The following ZNF521 variants were observed in gnomAD, a reference collection of about 807,000 sequenced individuals.
The protein encoded by ZNF521 is zinc finger protein 521.
ZNF521 carries 14 observed loss-of-function variants against 105.5 expected under a neutral mutation model. That is an observed-to-expected ratio of 0.13 (90% CI 0.09 to 0.21). The LOEUF is 0.21. Ranked by LOEUF, ZNF521 falls within the 10% of genes least tolerant of loss-of-function variation. The probability of loss-of-function intolerance (pLI) is 1.00; values close to 1 mark genes in which losing one functional copy is unlikely to be tolerated. For synonymous variants in ZNF521, 635 were observed against 606.0 expected (o/e 1.05, Z -0.70); for missense variants, 1,233 against 1,629.7 (o/e 0.76, Z 4.19).
chr18:25,312,905 G>A (rs187054654), intron 3 of ZNF521, among the ~76,000 whole-genome samples: 170 of 152,080 alleles, frequency 1.1e-3, no homozygotes, highest in African/African-American at 4.0e-3. Flanking sequence ...AACTTGGTGG[G>A]AGCCCTGACA....
chr18:25,124,844 G>A (rs1026453246), intron 5 of ZNF521, among the ~76,000 whole-genome samples: 10 of 152,216 alleles, frequency 6.6e-5, no homozygotes, highest in Non-Finnish European at 1.0e-4. Context: ...TAAACCATAG[G>A]TGTTAGAAAG....
intron 4 of ZNF521, among the ~76,000 whole-genome samples, chr18:25,217,797 A>G (rs753446853): frequency 4.6e-5 from 7 of 152,262 alleles, no homozygotes; most frequent in East Asian, 3.9e-4. Flanking sequence ...CAGTGTAACA[A>G]TTTTCACGTG....
At chr18:25,288,445 G>A (rs1910826205) in intron 3 of ZNF521, among the ~76,000 whole-genome samples, 1 of 151,820 alleles carries the variant, frequency 6.6e-6, no homozygotes, top group Admixed American at 6.6e-5. Flanking sequence ...TTCCTTTCGG[G>A]TTTTAGCTTC....
chr18:25,169,182 T>C (rs112030633), intron 5 of ZNF521, among the ~76,000 whole-genome samples: 34 of 152,324 alleles, frequency 2.2e-4, no homozygotes, highest in African/African-American at 7.9e-4. Context: ...GCCTCACTAG[T>C]TTCTATGGAA....
Position 25,153,200 on chromosome 18 carries a change from T to C in ZNF521, c.3658+41960A>G, listed in dbSNP as rs72891948. ...ATGTTGGTCAGCTAAACTTTCAAGTTGCATATAATTTATACTAATATTTTA... is the reference window on the plus strand; with the variant it reads ...ATGTTGGTCAGCTAAACTTTCAAGTCGCATATAATTTATACTAATATTTTA... On this transcript the variant is annotated intron_variant, in intron 5 of 7. Coordinates refer to ENST00000361524, the MANE Select transcript of ZNF521 (RefSeq NM_015461.3). 6.3e-3 allele frequency among the ~76,000 whole-genome samples: 966 copies of C among 152,330 alleles called. 4 individuals are homozygous for C. The highest frequency in any genetic ancestry group is 0.012 in the South Asian group (58 of 4,824).
chr18:25,308,648 A>ACCCCCCCCC (rs764455271), intron 3 of ZNF521, among the ~76,000 whole-genome samples: 2 of 116,302 alleles, frequency 1.7e-5, no homozygotes, highest in Non-Finnish European at 3.6e-5. Flanking sequence ...CCTTAATGAC[A>ACCCCCCCCC]TCCCCCCCCC....
chr18:25,297,419 T>C (rs2145054377), intron 3 of ZNF521, among the ~76,000 whole-genome samples: 1 of 152,290 alleles, frequency 6.6e-6, no homozygotes, highest in East Asian at 1.9e-4. Context: ...GAAAAATTCA[T>C]ATTAAATCCT....
intron 4 of ZNF521, among the ~76,000 whole-genome samples, chr18:25,212,884 T>C (rs1284897817): frequency 5.9e-5 from 9 of 151,540 alleles, no homozygotes; most frequent in African/African-American, 1.9e-4. Context: ...TTGACTTAAA[T>C]GTGTTGATTT....
rs370464268 is a variant in ZNF521 at position 25,225,946 on chromosome 18, C to T, written c.1972G>A (p.Asp658Asn). 1.3e-4 allele frequency: 209 copies of T among 1,614,022 alleles called. No homozygotes were observed. The South Asian group carries it at 2.0e-3, about 15-fold the overall frequency. ...CAGGTCAATTTTGGAAGCACAGTGT[C>T]GAGATGAGTTTTTAGGTGAGTCTGA... ...SFQTHLKTHL[D>N]TVLPKLTCPQ... Residue 658 changes from aspartate to asparagine, a missense_variant, in exon 4 of 8, where the codon GAC becomes AAC. This residue lies in a region of ZNF521 where 614 missense variants were observed against 751.5 expected (regional missense o/e 0.82). Coordinates refer to ENST00000361524, the MANE Select transcript of ZNF521 (RefSeq NM_015461.3). The surrounding 1 kb of genome is among the most constrained non-coding windows in gnomAD (Gnocchi z 5.6).
chr18:25,159,972 T>C lies in ZNF521; in HGVS notation c.3658+35188A>G, dbSNP rs536784393. ...TAGCCTTAAAAATGCCAACATAAAA[T>C]AATGTGTCATTAGTTTGTAATCATA... On this transcript the variant is annotated intron_variant, in intron 5 of 7. Coordinates refer to ENST00000361524, the MANE Select transcript of ZNF521 (RefSeq NM_015461.3). 3.9e-5 allele frequency among the ~76,000 whole-genome samples: 6 copies of C among 152,276 alleles called. No individual in the cohort carries two copies. The East Asian group carries it at 7.7e-4, about 20-fold the overall frequency.
At chr18:25,120,942 G>A (rs1164968945) in intron 5 of ZNF521, among the ~76,000 whole-genome samples, 1 of 152,062 alleles carries the variant, frequency 6.6e-6, no homozygotes, top group Admixed American at 6.6e-5. Flanking sequence ...AAGGTGGTAA[G>A]AAACCTGGTT....
At chr18:25,142,208 G>A (rs995304124) in intron 5 of ZNF521, among the ~76,000 whole-genome samples, 1 of 152,048 alleles carries the variant, frequency 6.6e-6, no homozygotes, top group Non-Finnish European at 1.5e-5. Flanking sequence ...GACTGACACC[G>A]TTTGGACTTT....
chr18:25,114,424 C>G (rs1009744366), intron 5 of ZNF521, among the ~76,000 whole-genome samples: 1 of 152,066 alleles, frequency 6.6e-6, no homozygotes, highest in African/African-American at 2.4e-5. Flanking sequence ...AAAATTACAG[C>G]TGTTATAATT....
At chr18:25,179,337 A>G (rs1158626997) in intron 5 of ZNF521, among the ~76,000 whole-genome samples, 1 of 151,274 alleles carries the variant, frequency 6.6e-6, no homozygotes, top group Non-Finnish European at 1.5e-5. Flanking sequence ...TTTAGTAGAG[A>G]TGGGGTTTCG....
At chr18:25,341,911 C>T (rs1275551431) in intron 2 of ZNF521, among the ~76,000 whole-genome samples, 1 of 152,090 alleles carries the variant, frequency 6.6e-6, no homozygotes, top group African/African-American at 2.4e-5. Flanking sequence ...TAGTACAGTG[C>T]CTGGGATAAG....
Position 25,227,059 on chromosome 18 carries a change from G to A in ZNF521, c.859C>T (p.His287Tyr). ...DRAALQCVYC[H>Y]ELFVEETSLM... ...GAGGTCTCCTCTACGAAGAGCTCGT[G>A]GCAGTAGACACACTGGAGGGCCGCT... Residue 287 changes from histidine (H) to tyrosine (Y), a missense_variant, in exon 4 of 8, where the codon CAC (histidine) becomes TAC (tyrosine). His to Tyr is a moderately conservative substitution (Grantham distance 83). Coordinates refer to ENST00000361524, the MANE Select transcript of ZNF521 (RefSeq NM_015461.3). The surrounding 1 kb of genome is among the most constrained non-coding windows in gnomAD (Gnocchi z 5.7). 4 of 1,614,134 alleles carry A rather than the reference G, an allele frequency of 2.5e-6. No homozygotes were observed. Among genetic ancestry groups the A allele is most frequent in the Non-Finnish European group, 3.4e-6 (4 of 1,180,002 alleles).
chr18:25,138,821 G>A (rs2034786640), intron 5 of ZNF521, among the ~76,000 whole-genome samples: 2 of 152,240 alleles, frequency 1.3e-5, no homozygotes, highest in African/African-American at 4.8e-5. Context: ...TTTGGTGGCA[G>A]GAGCCTGGCC....
In ZNF521 at chr18:25,225,607, C is replaced by T; in HGVS notation, c.2311G>A (p.Val771Met). ...FRNETDLQLH[V>M]KHNHLENQGK... ...TGGTTTTCCAGGTGGTTGTGTTTCACATGGAGCTGCAAGTCAGTTTCGTTG... is the reference window on the plus strand; with the variant it reads ...TGGTTTTCCAGGTGGTTGTGTTTCATATGGAGCTGCAAGTCAGTTTCGTTG... Residue 771 changes from valine (V) to methionine (M), a missense_variant, in exon 4 of 8, where the codon GTG becomes ATG. Val to Met is a conservative substitution (Grantham distance 21, BLOSUM62 1). This residue lies in a region of ZNF521 where 614 missense variants were observed against 751.5 expected (regional missense o/e 0.82). Coordinates refer to ENST00000361524, the MANE Select transcript of ZNF521 (RefSeq NM_015461.3). The surrounding 1 kb of genome is among the most constrained non-coding windows in gnomAD (Gnocchi z 5.6). The T allele has an allele frequency of 1.9e-6, 3 of 1,614,180 alleles. No individual in the cohort carries two copies. The highest frequency in any genetic ancestry group is 1.6e-4 in the Middle Eastern group (1 of 6,062).
At chr18:25,134,669 A>G (rs2034700565) in intron 5 of ZNF521, among the ~76,000 whole-genome samples, 1 of 152,132 alleles carries the variant, frequency 6.6e-6, no homozygotes, top group Non-Finnish European at 1.5e-5. Flanking sequence ...CTCCATCCCA[A>G]TCTGGACTAA....
Sources: allele counts gnomAD v4.1 joint callset (sites outside exome capture counted in the v4.1 genomes callset), GRCh38; gene constraint gnomAD v4.1.1; regional missense constraint gnomAD v4.1.1; non-coding constraint Gnocchi (gnomAD v3.1); transcripts MANE v1.5; gene names NCBI Gene and HGNC (gene_info 2026-07-23, HGNC 2026-07-21).